Variants in MACROH2A2 observed in about 807,000 individuals in gnomAD.
MACROH2A2 encodes the protein macroH2A.2 histone, also known as core histone macro-H2A.2.
MACROH2A2 carries 6 observed loss-of-function variants against 37.6 expected under a neutral mutation model. The observed-to-expected ratio is 0.16, with a 90% CI of 0.09 to 0.32. MACROH2A2 has a LOEUF of 0.32. MACROH2A2 is among the 10% of genes least tolerant of loss of function. The pLI is 1.00. For missense variants in MACROH2A2, 290 were observed against 485.9 expected, an observed-to-expected ratio of 0.60 and a Z score of 3.79; for synonymous variants, 192 against 202.7, an observed-to-expected ratio of 0.95 and a Z score of 0.45.
chr10:70,105,484 T>TG (rs1200680154), intron 7 of MACROH2A2, among the ~76,000 whole-genome samples: 2 of 152,160 alleles, frequency 1.3e-5, no homozygotes, highest in East Asian at 1.9e-4. Flanking sequence ...TGCAGGGGAC[T>TG]GAGCCCACTG....
At chr10:70,108,866 G>C (rs1036459324) in intron 7 of MACROH2A2, among the ~76,000 whole-genome samples, 167 bp from the exon 8 acceptor site, 2 of 152,180 alleles carry the variant, frequency 1.3e-5, no homozygotes, top group Non-Finnish European at 2.9e-5. Context: ...ATACAGCCCA[G>C]CTCTTGCTCT....
intron 7 of MACROH2A2, among the ~76,000 whole-genome samples, chr10:70,106,765 T>G (rs1490725515): frequency 7.3e-6 from 1 of 137,806 alleles, no homozygotes; most frequent in Non-Finnish European, 1.5e-5. Context: ...ATCGAGCCAC[T>G]GCACTCCAGC....
chr10:70,077,432 A>G (rs1214792047), intron 2 of MACROH2A2, among the ~76,000 whole-genome samples: 1 of 152,008 alleles, frequency 6.6e-6, no homozygotes, highest in Non-Finnish European at 1.5e-5. Context: ...GCCAGGCGTG[A>G]TGGCAGCTAC....
Position 70,095,661 on chromosome 10 carries a change from T to C in MACROH2A2, c.596T>C (p.Leu199Ser). 6.5e-7 allele frequency: 1 copy of C among 1,528,846 alleles called. No individual in the cohort carries two copies. The highest frequency in any genetic ancestry group is 9.1e-7 in the Non-Finnish European group (1 of 1,102,486). 94.7% of individuals were successfully genotyped at this position (1,528,846 alleles called of 1,614,324 possible). The part of the protein sequence containing the change: ...KSLVLGQKLS[L>S]TQSDISHIGS... ...CTTTTCTTCCTAATGCAGCTGTCCT[T>C]AACCCAGAGTGACATCAGCCATATT... Residue 199 changes from leucine (L) to serine (S), a missense_variant, in exon 6 of 9, where the codon TTA becomes TCA. Around this residue, in one of 3 missense-constraint regions of MACROH2A2, gnomAD observed 130 missense variants for 257.1 expected, o/e 0.51. Transcript: ENST00000373255.
At chr10:70,066,857 T>C (rs1174210384) in intron 1 of MACROH2A2, among the ~76,000 whole-genome samples, 1 of 152,182 alleles carries the variant, frequency 6.6e-6, no homozygotes, top group Non-Finnish European at 1.5e-5. Context: ...GTGACTGCCT[T>C]CTTGTTTCAG....
chr10:70,056,364 C>T (rs1342097172), intron 1 of MACROH2A2, among the ~76,000 whole-genome samples: 1 of 152,210 alleles, frequency 6.6e-6, no homozygotes, highest in East Asian at 1.9e-4. Flanking sequence ...CCTCCTGCCT[C>T]AGCCTCCCTA....
intron 1 of MACROH2A2, among the ~76,000 whole-genome samples, chr10:70,061,256 T>A (rs1485920427): frequency 6.6e-6 from 1 of 152,080 alleles, no homozygotes; most frequent in African/African-American, 2.4e-5. Flanking sequence ...CCAGTGAGGG[T>A]GTTTTTGTTT....
intron 7 of MACROH2A2, 42 bp downstream of exon 7, chr10:70,100,339 C>T (rs1427747577): frequency 1.8e-6 from 2 of 1,111,618 alleles, no homozygotes; most frequent in Admixed American, 1.8e-5. Flanking sequence ...ATGGCCTCAC[C>T]CTCCTCTCTG....
rs571710728 is a variant in MACROH2A2 at position 70,110,288 on chromosome 10, T to C, written c.953+1081T>C. Reference sequence around the variant, plus strand: ...TGTGGCCCAGCCTGGTGGATGGCACTATCAGTAGCTCCCTGGAACCTGGGG... The same window carrying C: ...TGTGGCCCAGCCTGGTGGATGGCACCATCAGTAGCTCCCTGGAACCTGGGG... On this transcript the variant is annotated intron_variant, in intron 8 of 8. Coordinates refer to ENST00000373255, the MANE Select transcript of MACROH2A2 (RefSeq NM_018649.3). 1.5e-3 allele frequency among the ~76,000 whole-genome samples: 231 copies of C among 152,274 alleles called. 1 individual carries two copies. The highest frequency in any genetic ancestry group is 5.2e-3 in the African/African-American group (217 of 41,564).
intron 2 of MACROH2A2, among the ~76,000 whole-genome samples, chr10:70,079,525 C>T (rs541206533): frequency 5.8e-4 from 88 of 150,434 alleles, no homozygotes; most frequent in Non-Finnish European, 6.6e-4. Flanking sequence ...TAGACTGTGA[C>T]GGCCCTTGAA....
chr10:70,077,883 C>T (rs1342482869), intron 2 of MACROH2A2, among the ~76,000 whole-genome samples: 1 of 152,184 alleles, frequency 6.6e-6, no homozygotes, highest in Non-Finnish European at 1.5e-5. Context: ...GGCTTTAAAA[C>T]AACCTGTTAG....
chr10:70,100,250 C>G lies in MACROH2A2; in HGVS notation c.731C>G (p.Thr244Arg). 1.2e-6 allele frequency: 2 copies of G among 1,611,738 alleles called. No individual in the cohort carries two copies. Among genetic ancestry groups the G allele is most frequent in the African/African-American group, 1.3e-5 (1 of 75,024 alleles). Reference protein sequence around the residue: ...EKAGGKEFLETVKELRKSQGP... With the variant: ...EKAGGKEFLERVKELRKSQGP... ...GCTGGGGGAAAAGAGTTCTTGGAAA[C>G]GGTAAAGGAGCTTCGCAAATCCCAA... The change falls in exon 7 of 9, where the codon ACG becomes AGG. Residue 244 changes from threonine to arginine, a missense_variant. This residue lies in a region of MACROH2A2 where 130 missense variants were observed against 257.1 expected (regional missense o/e 0.51). Coordinates refer to ENST00000373255, the MANE Select transcript of MACROH2A2 (RefSeq NM_018649.3).
intron 6 of MACROH2A2, chr10:70,099,360 G>C (rs1453078894): frequency 7.2e-5 from 11 of 152,332 alleles, no homozygotes; most frequent in Admixed American, 5.2e-4. Flanking sequence ...GAAAGACCAT[G>C]AACTGAACCA....
intron 1 of MACROH2A2, among the ~76,000 whole-genome samples, chr10:70,059,000 G>A (rs1258540675): frequency 6.6e-6 from 1 of 152,028 alleles, no homozygotes; most frequent in Non-Finnish European, 1.5e-5. Context: ...TGAAGAAAAG[G>A]CAGTCCTAGA....
intron 5 of MACROH2A2, among the ~76,000 whole-genome samples, chr10:70,094,958 G>A (rs1476671654): frequency 1.3e-5 from 2 of 152,210 alleles, no homozygotes; most frequent in Admixed American, 6.5e-5. Flanking sequence ...AGGATGCTGA[G>A]GGGAGAAGAG....
chr10:70,098,095 G>C (rs944128143), intron 6 of MACROH2A2: 10 of 152,094 alleles, frequency 6.6e-5, no homozygotes, highest in African/African-American at 2.4e-4. Flanking sequence ...ACAAAAATTA[G>C]CCAGGCTTGG....
intron 1 of MACROH2A2, among the ~76,000 whole-genome samples, chr10:70,061,413 G>A (rs752831526): frequency 5.9e-5 from 9 of 152,104 alleles, no homozygotes; most frequent in East Asian, 1.9e-4. Context: ...GTGGCCAAAC[G>A]TATTTATATT....
At chr10:70,074,794 G>A (rs553634358) in intron 1 of MACROH2A2, among the ~76,000 whole-genome samples, 141 of 152,254 alleles carry the variant, frequency 9.3e-4, no homozygotes, top group African/African-American at 3.1e-3. Flanking sequence ...CCCCAGCCAC[G>A]TGGAACTGTG....
intron 1 of MACROH2A2, among the ~76,000 whole-genome samples, chr10:70,073,112 A>G (rs2072120252): frequency 6.6e-6 from 1 of 152,176 alleles, no homozygotes; most frequent in African/African-American, 2.4e-5. Context: ...TCTGTTCCGC[A>G]GTCCTGGGCT....
Sources: gnomAD v4.1 joint callset for allele counts (sites outside exome capture counted in the v4.1 genomes callset) on GRCh38, gnomAD v4.1.1 for gene constraint, gnomAD v4.1.1 regional missense constraint, MANE v1.5 for transcripts, NCBI Gene and HGNC (gene_info 2026-07-23, HGNC 2026-07-21) for gene names.